The following KLHL4 variants were observed in gnomAD, a reference collection of about 807,000 sequenced individuals.
The protein encoded by KLHL4 is kelch like family member 4.
In KLHL4, 17 loss-of-function variants were observed where a neutral mutation model predicts 45.8. The observed-to-expected ratio is 0.37, with a 90% confidence interval of 0.25 to 0.56. The LOEUF (loss-of-function observed/expected upper bound fraction) is 0.56, where lower values mean the gene tolerates loss of function less well. KLHL4 is among the 20% of genes least tolerant of loss of function. KLHL4 has a pLI of 0.79. For missense variants in KLHL4, 544 were observed against 544.9 expected (o/e 1.00, Z 0.02); for synonymous variants, 224 against 189.9 (o/e 1.18, Z -1.47).
chrX:87,550,430 A>G (rs1472104900), intron 1 of KLHL4, among the ~76,000 whole-genome samples: 1 of 111,535 alleles, frequency 9.0e-6, no homozygotes, highest in Non-Finnish European at 1.9e-5. Context: ...CAGACATTCA[A>G]AGAAGAATCA....
chrX:87,662,171 T>C (rs1033932219), intron 9 of KLHL4, among the ~76,000 whole-genome samples: 1 of 111,900 alleles, frequency 8.9e-6, no homozygotes, highest in African/African-American at 3.2e-5. Flanking sequence ...TGCTAAAATA[T>C]AATTTTCAAA....
chrX:87,523,879 C>T (rs1194940150), intron 1 of KLHL4, among the ~76,000 whole-genome samples: 1 of 111,082 alleles, frequency 9.0e-6, no homozygotes, highest in Non-Finnish European at 1.9e-5. Context: ...AGGAGAATTG[C>T]TTGAACGCAG....
chrX:87,597,427 C>A (rs1023473791), intron 1 of KLHL4, among the ~76,000 whole-genome samples: 1 of 111,278 alleles, frequency 9.0e-6, no homozygotes, highest in African/African-American at 3.3e-5. Flanking sequence ...GTATTAATAC[C>A]ACTTTAAAGT....
At chrX:87,566,327 GA>G (rs1010124286) in intron 1 of KLHL4, among the ~76,000 whole-genome samples, 7 of 109,639 alleles carry the variant, frequency 6.4e-5, no homozygotes, top group African/African-American at 1.7e-4. Flanking sequence ...AAAAATCATT[GA>G]AAAAAAATAC....
chrX:87,619,224 A>G (rs1016049537), intron 4 of KLHL4, among the ~76,000 whole-genome samples: 5 of 112,132 alleles, frequency 4.5e-5, no homozygotes, highest in Non-Finnish European at 9.4e-5. Context: ...CACACATTGA[A>G]ATCATAAATA....
chrX:87,625,259 A>C (rs1329156685), intron 5 of KLHL4, among the ~76,000 whole-genome samples: 2 of 112,451 alleles, frequency 1.8e-5, no homozygotes, highest in African/African-American at 6.5e-5. Flanking sequence ...CTAAATAACA[A>C]AAAGCATGAA....
chrX:87,538,892 T>G (rs768614849), intron 1 of KLHL4, among the ~76,000 whole-genome samples: 1 of 111,617 alleles, frequency 9.0e-6, no homozygotes, highest in South Asian at 3.7e-4. Flanking sequence ...TGCTGGACAT[T>G]GTTGTTGAAA....
chrX:87,592,232 G>A (rs148588818), intron 1 of KLHL4, among the ~76,000 whole-genome samples: 138 of 111,557 alleles, frequency 1.2e-3, no homozygotes, highest in African/African-American at 4.1e-3. Flanking sequence ...TTATGTATAA[G>A]TACTGCATTT....
intron 9 of KLHL4, among the ~76,000 whole-genome samples, chrX:87,657,319 G>A (rs1436879632): frequency 8.9e-6 from 1 of 112,366 alleles, no homozygotes; most frequent in Non-Finnish European, 1.9e-5. Flanking sequence ...TGAAGAGGGT[G>A]AAGTTGGGCA....
At chrX:87,649,443 G>C (rs1256407989) in intron 9 of KLHL4, among the ~76,000 whole-genome samples, 5 of 111,180 alleles carry the variant, frequency 4.5e-5, no homozygotes, top group Non-Finnish European at 9.4e-5. Flanking sequence ...TGTATGATTT[G>C]CAAATAGTCT....
intron 9 of KLHL4, among the ~76,000 whole-genome samples, chrX:87,637,674 C>T (rs192618150): frequency 5.0e-4 from 56 of 112,200 alleles, no homozygotes; most frequent in Non-Finnish European, 8.5e-4. Context: ...ACAGGCTAGG[C>T]ATGGTGGCTC....
intron 1 of KLHL4, among the ~76,000 whole-genome samples, chrX:87,528,706 C>CAAAAAAAAAAAAAAAA (rs1160857135): frequency 3.2e-5 from 1 of 31,501 alleles, no homozygotes. Context: ...CAAAGCGAGA[C>CAAAAAAAAAAAAAAAA]AAAAAAAAAA....
chrX:87,573,426 T>C (rs1921000212), intron 1 of KLHL4, among the ~76,000 whole-genome samples: 1 of 79,238 alleles, frequency 1.3e-5, no homozygotes. Flanking sequence ...GGAAAATAGA[T>C]ATACAAATAA....
In KLHL4 at chrX:87,554,194, G is replaced by A. The variant is rs763242804; in HGVS notation, c.422+35879G>A. ...TCTTTTGGCTTAGGATTGACTTGGTGATGCGGGCTCTTTTTTGGTTCCCTA... is the reference window on the plus strand; with the variant it reads ...TCTTTTGGCTTAGGATTGACTTGGTAATGCGGGCTCTTTTTTGGTTCCCTA... On this transcript the variant is annotated intron_variant, in intron 1 of 10. Coordinates refer to ENST00000373119, the MANE Select transcript of KLHL4 (RefSeq NM_019117.5). Among the ~76,000 whole-genome samples, 350 of 62,325 alleles carry A rather than the reference G, an allele frequency of 5.6e-3. 2 individuals carry two copies. Among genetic ancestry groups the A allele is most frequent in the Middle Eastern group, 0.02 (3 of 152 alleles). The allele number at this position is 62,325 out of a possible 115,157, so 54.1% of individuals were successfully genotyped here. A position where few individuals can be genotyped will look rare whatever the true frequency, so the allele number is the denominator to read the frequency against.
chrX:87,561,901 A>G lies in KLHL4; in HGVS notation c.422+43586A>G, dbSNP rs964687776. On this transcript the variant is annotated intron_variant, in intron 1 of 10. Coordinates refer to ENST00000373119, the MANE Select transcript of KLHL4 (RefSeq NM_019117.5). ...CATTTCTAGATCCACTCTGGGCATCACGGAAACCTGCTACTCCAAGGGGAA... is the reference window on the plus strand; with the variant it reads ...CATTTCTAGATCCACTCTGGGCATCGCGGAAACCTGCTACTCCAAGGGGAA... Among the ~76,000 whole-genome samples the G allele has an allele frequency of 4.5e-5, 5 of 110,075 alleles. No individual in the cohort carries two copies. In the Admixed American group the frequency reaches 4.9e-4, roughly 11 times the overall value.
chrX:87,659,065 G>A (rs1436763015), intron 9 of KLHL4, among the ~76,000 whole-genome samples: 1 of 105,175 alleles, frequency 9.5e-6, no homozygotes, highest in Non-Finnish European at 2.0e-5. Context: ...CTGGATGGTA[G>A]CCCATAAGTC....
At chrX:87,543,384 T>A (rs766338176) in intron 1 of KLHL4, among the ~76,000 whole-genome samples, 2 of 111,090 alleles carry the variant, frequency 1.8e-5, no homozygotes, top group Non-Finnish European at 3.8e-5. Flanking sequence ...AAAAACACCT[T>A]CATAAGAACC....
intron 1 of KLHL4, among the ~76,000 whole-genome samples, chrX:87,584,831 C>T (rs1249012246): frequency 5.3e-5 from 5 of 94,390 alleles, no homozygotes; most frequent in African/African-American, 1.9e-4. Context: ...GAGAACTTCC[C>T]AAACCTAGGA....
chrX:87,543,478 G>A (rs1402758721), intron 1 of KLHL4, among the ~76,000 whole-genome samples: 3 of 111,594 alleles, frequency 2.7e-5, no homozygotes, highest in Non-Finnish European at 5.6e-5. Flanking sequence ...ACAAATAGCT[G>A]TGAATCTCAG....
Sources: gnomAD v4.1 joint callset for allele counts (sites outside exome capture counted in the v4.1 genomes callset) on GRCh38, gnomAD v4.1.1 for gene constraint, MANE v1.5 for transcripts, NCBI Gene and HGNC (gene_info 2026-07-23, HGNC 2026-07-21) for gene names.